Variants in GPC5 observed in about 807,000 individuals in gnomAD.
GPC5 encodes glypican 5.
Under a neutral mutation model 53.9 loss-of-function variants are expected in GPC5, and 47 were observed. The observed-to-expected ratio is 0.87, with a 90% CI of 0.69 to 1.11. The LOEUF is 1.11. Ranked by LOEUF, GPC5 falls within the 50% of genes most tolerant of loss-of-function variation. The pLI, the probability that GPC5 is intolerant of heterozygous loss-of-function variation, is 0.00. For synonymous variants in GPC5, 286 were observed against 263.3 expected, an observed-to-expected ratio of 1.09 and a Z score of -0.84; for missense variants, 748 against 713.1, an observed-to-expected ratio of 1.05 and a Z score of -0.56.
At position 92,035,543 on chromosome 13, in the gene GPC5, T is replaced by A. The variant is rs80213109; in HGVS notation, c.1402-109287T>A. ...GATCAAGAACCTTATTTCTCTGCCTTTACAGAAAACCATCTCTTTGTACAT... is the reference window on the plus strand; with the variant it reads ...GATCAAGAACCTTATTTCTCTGCCTATACAGAAAACCATCTCTTTGTACAT... On this transcript the variant is annotated intron_variant, in intron 6 of 7. Transcript: ENST00000377067. Among the ~76,000 whole-genome samples, 1,243 of 152,226 alleles carry A rather than the reference T, an allele frequency of 8.2e-3. 18 individuals are homozygous for A. The highest frequency in any genetic ancestry group is 0.028 in the African/African-American group (1,157 of 41,534).
chr13:92,177,757 T>G (rs2042118870), intron 7 of GPC5, among the ~76,000 whole-genome samples: 3 of 152,200 alleles, frequency 2.0e-5, no homozygotes, highest in Admixed American at 2.0e-4. Flanking sequence ...CCTCCTCTTT[T>G]AAACATTCCT....
intron 6 of GPC5, among the ~76,000 whole-genome samples, chr13:91,932,333 C>A (rs143377167): frequency 2.0e-5 from 3 of 152,024 alleles, no homozygotes; most frequent in Non-Finnish European, 4.4e-5. Flanking sequence ...TCTGCCCTAA[C>A]CAGGGCATGA....
chr13:92,630,104 C>T (rs566138944), intron 7 of GPC5, among the ~76,000 whole-genome samples: 6 of 152,164 alleles, frequency 3.9e-5, no homozygotes, highest in African/African-American at 9.6e-5. Flanking sequence ...TATTTGACTC[C>T]TATAGAATGA....
chr13:92,168,780 C>T (rs544831834), intron 7 of GPC5, among the ~76,000 whole-genome samples: 5 of 152,132 alleles, frequency 3.3e-5, no homozygotes, highest in African/African-American at 1.2e-4. Flanking sequence ...GTGGCAGTTC[C>T]TCAGAGACCT....
At chr13:92,703,117 C>T (rs889517798) in intron 7 of GPC5, among the ~76,000 whole-genome samples, 1 of 151,132 alleles carries the variant, frequency 6.6e-6, no homozygotes, top group African/African-American at 2.4e-5. Context: ...TTCGAATGCA[C>T]TATGTAATGT....
At chr13:92,677,032 A>G (rs1886964977) in intron 7 of GPC5, among the ~76,000 whole-genome samples, 2 of 152,188 alleles carry the variant, frequency 1.3e-5, no homozygotes, top group Non-Finnish European at 2.9e-5. Flanking sequence ...TGTATAAATT[A>G]TGATCATAAC....
At chr13:92,015,892 A>G (rs1222594517) in intron 6 of GPC5, among the ~76,000 whole-genome samples, 2 of 151,876 alleles carry the variant, frequency 1.3e-5, no homozygotes, top group Admixed American at 6.6e-5. Flanking sequence ...TTACTTTTAA[A>G]TGCTTACACA....
intron 6 of GPC5, among the ~76,000 whole-genome samples, chr13:91,998,399 C>T (rs962175711): frequency 4.6e-5 from 7 of 152,174 alleles, no homozygotes; most frequent in Non-Finnish European, 8.8e-5. Flanking sequence ...CACATACACA[C>T]ACCCTGTTAG....
intron 5 of GPC5, among the ~76,000 whole-genome samples, chr13:91,862,731 TA>T (rs2039043574): frequency 6.6e-6 from 1 of 152,148 alleles, no homozygotes; most frequent in Non-Finnish European, 1.5e-5. Context: ...AAATTAATGT[TA>T]ATATATTGCT....
intron 5 of GPC5, among the ~76,000 whole-genome samples, chr13:91,876,146 C>T (rs139713347): frequency 6.6e-6 from 1 of 152,334 alleles, no homozygotes; most frequent in African/African-American, 2.4e-5. Flanking sequence ...CCTCCCCAGT[C>T]TTGTGGAACT....
intron 7 of GPC5, among the ~76,000 whole-genome samples, chr13:92,401,457 A>G (rs1288878114): frequency 1.3e-5 from 2 of 152,126 alleles, no homozygotes; most frequent in African/African-American, 2.4e-5. Context: ...CAGCAATATA[A>G]TAATTCACAT....
At chr13:91,622,616 G>A (rs1327703103) in intron 2 of GPC5, among the ~76,000 whole-genome samples, 3 of 152,076 alleles carry the variant, frequency 2.0e-5, no homozygotes, top group Non-Finnish European at 4.4e-5. Context: ...TGAAAACTAA[G>A]TCAAGAAAGC....
intron 7 of GPC5, among the ~76,000 whole-genome samples, chr13:92,751,918 G>A (rs914331622): frequency 5.9e-5 from 9 of 152,074 alleles, no homozygotes; most frequent in South Asian, 4.2e-4. Flanking sequence ...TTTCACTTGC[G>A]CTGGATCTAC....
chr13:91,491,322 A>G (rs1883932593), intron 2 of GPC5, among the ~76,000 whole-genome samples: 1 of 152,138 alleles, frequency 6.6e-6, no homozygotes, highest in Non-Finnish European at 1.5e-5. Flanking sequence ...CTCTCTTTAA[A>G]ATGTTCATTG....
chr13:91,997,450 T>C (rs1269422026), intron 6 of GPC5, among the ~76,000 whole-genome samples: 2 of 152,262 alleles, frequency 1.3e-5, no homozygotes, highest in East Asian at 3.9e-4. Context: ...ACCAGTTCCC[T>C]CTATTTGTTA....
chr13:91,986,193 G>T (rs570059124), intron 6 of GPC5, among the ~76,000 whole-genome samples: 15 of 148,664 alleles, frequency 1.0e-4, no homozygotes, highest in East Asian at 8.1e-4. Flanking sequence ...AGCCTCCCGA[G>T]TATCTGGGAC....
chr13:92,016,181 A>G (rs1195404735), intron 6 of GPC5, among the ~76,000 whole-genome samples: 1 of 152,244 alleles, frequency 6.6e-6, no homozygotes, highest in Non-Finnish European at 1.5e-5. Flanking sequence ...AACTTGAAGT[A>G]CAGACTTTTG....
intron 7 of GPC5, among the ~76,000 whole-genome samples, chr13:92,454,141 A>G (rs770207044): frequency 7.2e-5 from 11 of 152,132 alleles, no homozygotes; most frequent in Admixed American, 2.6e-4. Flanking sequence ...ACAAAACAAA[A>G]CAATACAAAA....
chr13:91,553,384 A>G (rs1232326405), intron 2 of GPC5, among the ~76,000 whole-genome samples: 1 of 137,972 alleles, frequency 7.2e-6, no homozygotes, highest in Non-Finnish European at 1.6e-5. Flanking sequence ...AGAATATATT[A>G]AATTTATACT....
Sources: allele counts gnomAD v4.1 joint callset (sites outside exome capture counted in the v4.1 genomes callset), GRCh38; gene constraint gnomAD v4.1.1; transcripts MANE v1.5; gene names NCBI Gene and HGNC (gene_info 2026-07-23, HGNC 2026-07-21).